The following MAP2K6 variants were observed in gnomAD, a reference collection of about 807,000 sequenced individuals.
The protein encoded by MAP2K6 is mitogen-activated protein kinase kinase 6, also known as dual specificity mitogen-activated protein kinase kinase 6.
A neutral mutation model predicts 53.7 loss-of-function variants in MAP2K6; 16 were observed. That is an observed-to-expected ratio of 0.30 (90% CI 0.20 to 0.45). The LOEUF is 0.45. Among genes scored for constraint, MAP2K6 ranks in the 20% least tolerant of loss-of-function variants. The pLI, the probability that MAP2K6 is intolerant of heterozygous loss-of-function variation, is 1.00. For synonymous variants in MAP2K6, 132 were observed against 143.1 expected (o/e 0.92, Z 0.55); for missense variants, 204 against 411.9 (o/e 0.50, Z 4.37).
intron 1 of MAP2K6, among the ~76,000 whole-genome samples, chr17:69,492,060 T>G (rs1156921800): frequency 1.3e-5 from 2 of 152,238 alleles, no homozygotes; most frequent in African/African-American, 4.8e-5. Flanking sequence ...ATATGAGACC[T>G]CTGTCAGATG....
chr17:69,471,999 GA>G (rs1407135228), intron 1 of MAP2K6, among the ~76,000 whole-genome samples: 1 of 152,180 alleles, frequency 6.6e-6, no homozygotes, highest in Non-Finnish European at 1.5e-5. Context: ...GGCCTTTAGA[GA>G]AAGTAGTCTG....
At chr17:69,516,998 G>A (rs940478054) in intron 3 of MAP2K6, 95 bp downstream of exon 3, 2 of 984,680 alleles carry the variant, frequency 2.0e-6, no homozygotes, top group East Asian at 4.9e-5. Flanking sequence ...TGCTGTCAGG[G>A]GATGAGTCAA....
chr17:69,535,204 A>G (rs1911293758), intron 10 of MAP2K6, among the ~76,000 whole-genome samples: 1 of 152,216 alleles, frequency 6.6e-6, no homozygotes, highest in Non-Finnish European at 1.5e-5. Flanking sequence ...ATTTCTAACA[A>G]GAATAATTGC....
At chr17:69,422,021 C>T (rs766599839) in intron 1 of MAP2K6, among the ~76,000 whole-genome samples, 210 of 152,098 alleles carry the variant, frequency 1.4e-3, no homozygotes, top group Non-Finnish European at 2.6e-3. Context: ...CCTGAGTTGG[C>T]CCATGCGGTT....
intron 2 of MAP2K6, among the ~76,000 whole-genome samples, chr17:69,515,967 A>C (rs890333163): frequency 1.3e-5 from 2 of 152,210 alleles, no homozygotes; most frequent in Non-Finnish European, 2.9e-5. Flanking sequence ...GGGTGAAAGA[A>C]AAAGCTTGAG....
chr17:69,492,559 A>G (rs66963653), intron 1 of MAP2K6, among the ~76,000 whole-genome samples: 6,600 of 152,218 alleles, frequency 0.043, 420 homozygotes, highest in East Asian at 0.15. Context: ...CAGTGAAGGT[A>G]TTGGCATGTC....
At chr17:69,539,261 G>A (rs1429540789) in intron 11 of MAP2K6, among the ~76,000 whole-genome samples, 1 of 152,150 alleles carries the variant, frequency 6.6e-6, no homozygotes, top group Non-Finnish European at 1.5e-5. Context: ...GTATGTTCAC[G>A]GATCTCCATG....
intron 2 of MAP2K6, among the ~76,000 whole-genome samples, chr17:69,513,205 G>A (rs1236306028): frequency 6.6e-6 from 1 of 152,186 alleles, no homozygotes; most frequent in Non-Finnish European, 1.5e-5. Context: ...TGGCCCACTT[G>A]ATGAGCCCAA....
Position 69,516,870 on chromosome 17 carries a change from A to G in MAP2K6, c.99A>G (p.Leu33=). ...PQTSSTPPRD[L]DSKACISIGN... ...TCTTTCTTAGACCACCTCGAGATTT[A>G]GACTCCAAGGCTTGCATTTCTATTG... The change falls in exon 3 of 12, where the codon TTA becomes TTG. Residue 33 remains leucine (L), a synonymous_variant. Transcript: ENST00000590474. 1 of 1,597,020 alleles carries G rather than the reference A, an allele frequency of 6.3e-7. No homozygotes were observed. Among genetic ancestry groups the G allele is most frequent in the African/African-American group, 1.3e-5 (1 of 74,650 alleles).
At chr17:69,425,231 G>A (rs1395766858) in intron 1 of MAP2K6, among the ~76,000 whole-genome samples, 2 of 152,194 alleles carry the variant, frequency 1.3e-5, no homozygotes, top group Non-Finnish European at 2.9e-5. Flanking sequence ...ACAGAGTGGA[G>A]GAAACTGGAA....
At chr17:69,477,715 A>G (rs975537458) in intron 1 of MAP2K6, among the ~76,000 whole-genome samples, 2 of 152,214 alleles carry the variant, frequency 1.3e-5, no homozygotes, top group Non-Finnish European at 1.5e-5. Context: ...TTACCTGACT[A>G]TTCTAAAGTT....
intron 1 of MAP2K6, among the ~76,000 whole-genome samples, chr17:69,500,617 G>A (rs376635843): frequency 3.0e-4 from 45 of 151,986 alleles, no homozygotes; most frequent in East Asian, 1.5e-3. Flanking sequence ...TTAGTTGGGC[G>A]TGATGGCGGG....
intron 1 of MAP2K6, among the ~76,000 whole-genome samples, chr17:69,467,151 A>G (rs916716114): frequency 1.6e-4 from 24 of 152,304 alleles, no homozygotes; most frequent in Admixed American, 1.2e-3. Flanking sequence ...TCCACTAATT[A>G]TTTCTTCATA....
At position 69,541,882 on chromosome 17, in the gene MAP2K6, T is replaced by A. The variant is rs1422138073; in HGVS notation, c.*129T>A. The A allele has an allele frequency of 3.1e-6, 2 of 648,732 alleles. No individual in the cohort carries two copies. Among genetic ancestry groups the A allele is most frequent in the Non-Finnish European group, 5.3e-6 (2 of 378,096 alleles). 40.2% of individuals were successfully genotyped at this position (648,732 alleles called of 1,614,324 possible). On this transcript the variant is annotated 3_prime_UTR_variant, in exon 12 of 12. Transcript: ENST00000590474. ...ACCCTGCCTCTCAGAGGGTTTTCTC[T>A]CCCAATTTTCTTTTTACTCCCCCTC...
At chr17:69,520,487 A>G in intron 6 of MAP2K6, 101 bp downstream of exon 6, 2 of 700,184 alleles carry the variant, frequency 2.9e-6, no homozygotes, top group South Asian at 1.7e-5. Flanking sequence ...GGCCACAGCT[A>G]CTATTCGTAC....
intron 1 of MAP2K6, 22 bp from the exon 2 acceptor site, chr17:69,505,746 GTCCTTAACTTTT>G: frequency 6.4e-7 from 1 of 1,558,770 alleles, no homozygotes; most frequent in Non-Finnish European, 8.8e-7. Flanking sequence ...CTATGATTTA[GTCCTTAACTTTT>G]TCCTTTTGTC....
At chr17:69,505,076 A>G (rs1452685170) in intron 1 of MAP2K6, among the ~76,000 whole-genome samples, 2 of 151,548 alleles carry the variant, frequency 1.3e-5, no homozygotes, top group Admixed American at 6.6e-5. Context: ...TACTAACACT[A>G]AAAAGAAAAA....
intron 9 of MAP2K6, among the ~76,000 whole-genome samples, chr17:69,525,368 G>C (rs1910712809): frequency 6.6e-6 from 1 of 152,216 alleles, no homozygotes; most frequent in Non-Finnish European, 1.5e-5. Flanking sequence ...CGTGAACCCT[G>C]ATAGGGCCGT....
At chr17:69,519,488 C>T (rs2145256125) in intron 5 of MAP2K6, 56 bp downstream of exon 5, 1 of 1,608,586 alleles carries the variant, frequency 6.2e-7, no homozygotes, top group Admixed American at 1.7e-5. Flanking sequence ...AAAGAAGTTT[C>T]TTTGATCACG....
Sources: gnomAD v4.1 joint callset for allele counts (sites outside exome capture counted in the v4.1 genomes callset) on GRCh38, gnomAD v4.1.1 for gene constraint, MANE v1.5 for transcripts, NCBI Gene and HGNC (gene_info 2026-07-23, HGNC 2026-07-21) for gene names.